The following ACSF2 variants were observed in gnomAD, a reference collection of about 807,000 sequenced individuals.
ACSF2 encodes medium-chain acyl-CoA ligase ACSF2, mitochondrial.
A neutral mutation model predicts 79.3 loss-of-function variants in ACSF2; 52 were observed. The ratio of observed to expected loss-of-function variants is 0.66; its 90% CI spans 0.53 to 0.83. The LOEUF is 0.83. Ranked by LOEUF, ACSF2 falls within the 40% of genes least tolerant of loss-of-function variation. ACSF2 has a pLI of 0.00. For synonymous variants in ACSF2, 283 were observed against 312.6 expected, an observed-to-expected ratio of 0.91 and a Z score of 1.00; for missense variants, 661 against 803.3, an observed-to-expected ratio of 0.82 and a Z score of 2.14.
At chr17:50,429,662 G>T (rs528419791) in intron 1 of ACSF2, among the ~76,000 whole-genome samples, 1 of 152,136 alleles carries the variant, frequency 6.6e-6, no homozygotes, top group Admixed American at 6.5e-5. Context: ...TGGGATTACC[G>T]GTGTGCGCCA....
At chr17:50,446,916 A>C (rs1387164221) in intron 1 of ACSF2, among the ~76,000 whole-genome samples, 2 of 152,206 alleles carry the variant, frequency 1.3e-5, no homozygotes, top group Non-Finnish European at 2.9e-5. Context: ...GGTATTTTAA[A>C]TATTGGAAAT....
rs762902627 is a variant in ACSF2, at chr17:50,461,700, G to T, written c.507+14G>T. On this transcript the variant is annotated intron_variant, in intron 4 of 15. Transcript: ENST00000300441. Reference sequence around the variant, plus strand: ...GTCCTCAAGAAGGTACAGCTCATTTGTCGGGGAGGGGCCCGGCTGGGGCCT... The same window carrying T: ...GTCCTCAAGAAGGTACAGCTCATTTTTCGGGGAGGGGCCCGGCTGGGGCCT... The T allele has an allele frequency of 2.5e-6, 4 of 1,614,022 alleles. No homozygotes were observed. The South Asian group carries it at 4.4e-5, about 18-fold the overall frequency.
rs777280088 is a variant in ACSF2 at position 50,426,333 on chromosome 17, G to A, written c.72G>A (p.Arg24=). 7.0e-7 allele frequency: 1 copy of A among 1,425,420 alleles called. No homozygotes were observed. The highest frequency in any genetic ancestry group is 9.2e-7 in the Non-Finnish European group (1 of 1,083,066). 88.3% of individuals were successfully genotyped at this position (1,425,420 alleles called of 1,614,324 possible). Reference sequence around the variant, plus strand: ...GGAGCTCGGGGGTGCTGGGGGCCCGGGCCGCCCTCTCTCGGAGTTGGCAGG... The same window carrying A: ...GGAGCTCGGGGGTGCTGGGGGCCCGAGCCGCCCTCTCTCGGAGTTGGCAGG... The part of the protein sequence containing the change: ...CAGSSGVLGA[R]AALSRSWQEA... The change falls in exon 1 of 16, where the codon CGG becomes CGA. Residue 24 remains arginine, a synonymous_variant. Transcript: ENST00000300441.
chr17:50,458,304 C>G (rs2032137108), intron 1 of ACSF2, among the ~76,000 whole-genome samples: 1 of 152,208 alleles, frequency 6.6e-6, no homozygotes, highest in African/African-American at 2.4e-5. Flanking sequence ...GTCCTCTGCT[C>G]TGGACCCTTT....
chr17:50,467,954 G>T, intron 10 of ACSF2: 6 of 1,402,548 alleles, frequency 4.3e-6, no homozygotes, highest in Non-Finnish European at 5.8e-6. Flanking sequence ...CTGGGGACGG[G>T]GGATGGTGCC....
chr17:50,451,145 C>A (rs935836953), intron 1 of ACSF2, among the ~76,000 whole-genome samples: 3 of 152,110 alleles, frequency 2.0e-5, no homozygotes, highest in African/African-American at 7.2e-5. Context: ...CACTATGTTG[C>A]CCAGACTAGT....
chr17:50,429,479 C>T (rs1417958846), intron 1 of ACSF2, among the ~76,000 whole-genome samples: 1 of 152,074 alleles, frequency 6.6e-6, no homozygotes, highest in Non-Finnish European at 1.5e-5. Flanking sequence ...GGACGTCCTC[C>T]TCTCCGTTTG....
Position 50,474,576 on chromosome 17 carries a change from C to A in ACSF2, c.*24C>A. On this transcript the variant is annotated 3_prime_UTR_variant, in exon 16 of 16. Coordinates refer to ENST00000300441, the MANE Select transcript of ACSF2 (RefSeq NM_025149.6). This position sits in a 1 kb window ranked among gnomAD's most constrained non-coding sequence, Gnocchi z 4.2. ...GAATAAAGCAGCAGGCCTGTCCTGG[C>A]CGGTTGGCTTGACTCTCTCCTGTCA... The A allele has an allele frequency of 1.2e-6, 2 of 1,613,260 alleles. No homozygotes were observed. The highest frequency in any genetic ancestry group is 1.7e-6 in the Non-Finnish European group (2 of 1,179,424).
At chr17:50,452,629 C>T (rs552267077) in intron 1 of ACSF2, among the ~76,000 whole-genome samples, 78 of 151,982 alleles carry the variant, frequency 5.1e-4, no homozygotes, top group Middle Eastern at 3.4e-3. Context: ...AAACGTTTAC[C>T]TGTGTAACAA....
chr17:50,466,973 C>G (rs927826085), intron 10 of ACSF2, among the ~76,000 whole-genome samples: 6 of 152,180 alleles, frequency 3.9e-5, no homozygotes, highest in Admixed American at 3.9e-4. Flanking sequence ...TGGCTGCTGC[C>G]CAAGTGAGAT....
intron 1 of ACSF2, among the ~76,000 whole-genome samples, chr17:50,448,274 T>C (rs571734523): frequency 2.5e-4 from 38 of 152,340 alleles, no homozygotes; most frequent in African/African-American, 8.4e-4. Context: ...AGAAAAGGTA[T>C]AGTCAAAATA....
rs190545971 is a variant in ACSF2, at chr17:50,461,333, T to G, written c.416T>G (p.Leu139Arg). The G allele has an allele frequency of 6.2e-6, 10 of 1,614,096 alleles. No individual in the cohort carries two copies. In the East Asian group the frequency reaches 2.2e-4, roughly 36 times the overall value. Residue 139 changes from leucine (L) to arginine (R), a missense_variant, in exon 3 of 16, where the codon CTC (leucine) becomes CGC (arginine). Physicochemically the swap from Leu to Arg is moderately radical, Grantham distance 102. Transcript: ENST00000300441. ...MWGPNSYAWV[L>R]MQLATAQAGI... ...GGACCTAACTCCTATGCATGGGTGC[T>G]CATGCAGTTGGCCACCGCCCAGGCG...
At chr17:50,464,746 A>G in intron 10 of ACSF2, 1 of 320,416 alleles carries the variant, frequency 3.1e-6, no homozygotes, top group South Asian at 2.2e-5. Flanking sequence ...CTGATGACCA[A>G]CCTGTTGTGG....
intron 1 of ACSF2, among the ~76,000 whole-genome samples, chr17:50,429,451 C>G (rs528522870): frequency 6.6e-6 from 1 of 151,992 alleles, no homozygotes; most frequent in Non-Finnish European, 1.5e-5. Flanking sequence ...AGCTACATGT[C>G]CAGTCCTTGG....
intron 1 of ACSF2, among the ~76,000 whole-genome samples, chr17:50,443,474 G>A (rs1471648074): frequency 1.3e-5 from 2 of 152,226 alleles, no homozygotes; most frequent in Non-Finnish European, 2.9e-5. Flanking sequence ...GCAAACTGAA[G>A]ATCGATTTAG....
At chr17:50,454,981 G>T (rs1235122478) in intron 1 of ACSF2, among the ~76,000 whole-genome samples, 1 of 152,162 alleles carries the variant, frequency 6.6e-6, no homozygotes, top group Non-Finnish European at 1.5e-5. Context: ...TGGTCATTGT[G>T]AGAATAGGAG....
intron 1 of ACSF2, among the ~76,000 whole-genome samples, chr17:50,448,758 C>T (rs531869664): frequency 6.6e-6 from 1 of 152,230 alleles, no homozygotes; most frequent in African/African-American, 2.4e-5. Flanking sequence ...CAAATGTCCT[C>T]ACAGAAGCAT....
intron 1 of ACSF2, among the ~76,000 whole-genome samples, chr17:50,428,105 C>T (rs990077642): frequency 6.6e-6 from 1 of 152,190 alleles, no homozygotes; most frequent in Non-Finnish European, 1.5e-5. Flanking sequence ...GGTAGGATCA[C>T]TTGAGCCCAG....
Position 50,426,323 on chromosome 17 carries a change from T to C in ACSF2, c.62T>C (p.Leu21Pro), listed in dbSNP as rs200478866. 13 of 1,420,336 alleles carry C rather than the reference T, an allele frequency of 9.2e-6. No homozygotes were observed. Among genetic ancestry groups the C allele is most frequent in the African/African-American group, 1.5e-5 (1 of 67,842 alleles). 88.0% of individuals were successfully genotyped at this position (1,420,336 alleles called of 1,614,324 possible). Residue 21 changes from leucine (L) to proline (P), a missense_variant, in exon 1 of 16, where the codon CTG (leucine) becomes CCG (proline). Leu to Pro is a moderately conservative substitution (Grantham distance 98). Transcript: ENST00000300441. Reference protein sequence around the residue: ...GRLCAGSSGVLGARAALSRSW... With the variant: ...GRLCAGSSGVPGARAALSRSW... ...CTGTGCGCCGGGAGCTCGGGGGTGC[T>C]GGGGGCCCGGGCCGCCCTCTCTCGG... is the stretch of plus-strand genomic sequence containing the variant.
Sources: allele counts gnomAD v4.1 joint callset (sites outside exome capture counted in the v4.1 genomes callset), GRCh38; gene constraint gnomAD v4.1.1; non-coding constraint Gnocchi (gnomAD v3.1); transcripts MANE v1.5; gene names NCBI Gene and HGNC (gene_info 2026-07-23, HGNC 2026-07-21).